The following RET variants were observed in gnomAD, a reference collection of about 807,000 sequenced individuals.
RET encodes the protein proto-oncogene tyrosine-protein kinase receptor Ret.
Under a neutral mutation model 118.3 loss-of-function variants are expected in RET, and 19 were observed. The observed-to-expected ratio is 0.16, with a 90% CI of 0.11 to 0.24. The LOEUF (loss-of-function observed/expected upper bound fraction) is 0.24, where lower values mean the gene tolerates loss of function less well. Among genes scored for constraint, RET ranks in the 10% least tolerant of loss-of-function variants. The probability of loss-of-function intolerance (pLI) is 1.00; values close to 1 mark genes in which losing one functional copy is unlikely to be tolerated. For missense variants in RET, 1,219 were observed against 1,502.1 expected (o/e 0.81, Z 3.12); for synonymous variants, 597 against 644.1 (o/e 0.93, Z 1.11).
chr10:43,088,730 A>G (rs1464415275), intron 1 of RET, among the ~76,000 whole-genome samples: 1 of 152,094 alleles, frequency 6.6e-6, no homozygotes, highest in African/African-American at 2.4e-5. Flanking sequence ...CCACTGCAAC[A>G]CACACTTTCT....
intron 1 of RET, among the ~76,000 whole-genome samples, chr10:43,095,095 G>A (rs1373601621): frequency 6.6e-6 from 1 of 152,186 alleles, no homozygotes; most frequent in African/African-American, 2.4e-5. Flanking sequence ...CCCCTTCCCA[G>A]CTGGGGTCAG....
At chr10:43,109,730 G>A (rs1402369445) in intron 6 of RET, among the ~76,000 whole-genome samples, 1 of 152,168 alleles carries the variant, frequency 6.6e-6, no homozygotes, top group East Asian at 1.9e-4. Context: ...GCTAGAAAGC[G>A]TATATTTATA....
intron 1 of RET, among the ~76,000 whole-genome samples, chr10:43,084,521 C>G (rs1837249606): frequency 6.6e-6 from 1 of 152,218 alleles, no homozygotes; most frequent in African/African-American, 2.4e-5. Flanking sequence ...GGAGAAGCAT[C>G]TCTTCGAGCC....
At chr10:43,122,442 G>A (rs1054961597) in intron 16 of RET, among the ~76,000 whole-genome samples, 3 of 152,212 alleles carry the variant, frequency 2.0e-5, no homozygotes, top group African/African-American at 7.2e-5. Flanking sequence ...GACTCCACCT[G>A]AAGATGGCCT....
In RET at chr10:43,128,199, A is replaced by G. The variant is rs757852794; in HGVS notation, c.3275A>G (p.Asn1092Ser). 3 of 1,614,184 alleles carry G rather than the reference A, an allele frequency of 1.9e-6. No homozygotes were observed. In the South Asian group the frequency reaches 3.3e-5, roughly 18 times the overall value. Residue 1092 changes from asparagine (N) to serine (S), a missense_variant, in exon 20 of 20, where the codon AAT (asparagine) becomes AGT (serine). Asn to Ser is a conservative substitution (Grantham distance 46). Coordinates refer to ENST00000355710, the MANE Select transcript of RET (RefSeq NM_020975.6). Reference protein sequence around the residue: ...GTNTGFPRYPNDSVYANWMLS... With the variant: ...GTNTGFPRYPSDSVYANWMLS... ...AACACTGGGTTTCCAAGATATCCAA[A>G]TGATAGTGTATATGCTAACTGGATG... is the stretch of plus-strand genomic sequence containing the variant.
chr10:43,107,559 T>TCACACACACACACACACA (rs59876947), intron 5 of RET, among the ~76,000 whole-genome samples: 2 of 140,732 alleles, frequency 1.4e-5, no homozygotes, highest in South Asian at 2.4e-4. Context: ...CCCCCATGCC[T>TCACACACACACACACACA]CACACACACA....
At chr10:43,110,094 C>T (rs1837882161) in intron 6 of RET, among the ~76,000 whole-genome samples, 1 of 152,160 alleles carries the variant, frequency 6.6e-6, no homozygotes, top group Admixed American at 6.5e-5. Flanking sequence ...AGCTCCCCGA[C>T]CACCTCCTTG....
At position 43,110,895 on chromosome 10, in the gene RET, G is replaced by C. The variant is rs981831764; in HGVS notation, c.1264-312G>C. Among the ~76,000 whole-genome samples, 78 of 152,206 alleles carry C rather than the reference G, an allele frequency of 5.1e-4. 1 individual carries two copies. Among genetic ancestry groups the C allele is most frequent in the African/African-American group, 1.8e-3 (76 of 41,450 alleles). ...GGAGGAAAGGGGAGTAAAGGGTTGA[G>C]TCAGGGCCTGCCTGGGGCTTTTCCT... is the stretch of plus-strand genomic sequence containing the variant. On this transcript the variant is annotated intron_variant, in intron 6 of 19. Coordinates refer to ENST00000355710, the MANE Select transcript of RET (RefSeq NM_020975.6).
chr10:43,097,838 AACTGCTGCTGCAGGCCCC>A (rs1000282002), intron 1 of RET, among the ~76,000 whole-genome samples: 1 of 151,586 alleles, frequency 6.6e-6, no homozygotes, highest in African/African-American at 2.4e-5. Flanking sequence ...GGGCGTTCTC[AACTGCTGCTGCAGGCCCC>A]GCCCTCCAGA....
chr10:43,090,899 C>T (rs956047002), intron 1 of RET, among the ~76,000 whole-genome samples: 3 of 150,560 alleles, frequency 2.0e-5, no homozygotes, highest in Non-Finnish European at 2.9e-5. Flanking sequence ...CCAGTCAGGG[C>T]GCTCTCGTGC....
chr10:43,119,769 C>A (rs779255047), intron 14 of RET, 24 bp downstream of exon 14: 1 of 1,608,316 alleles, frequency 6.2e-7, no homozygotes, highest in Non-Finnish European at 8.5e-7. Context: ...GCTCTGCACC[C>A]AGCCAGCCCC....
chr10:43,114,349 A>C lies in RET; in HGVS notation c.1880-131A>C, dbSNP rs1169835916. 7.8e-7 allele frequency: 1 copy of C among 1,276,312 alleles called. No homozygotes were observed. Among genetic ancestry groups the C allele is most frequent in the East Asian group, 2.5e-5 (1 of 40,118 alleles). The allele number at this position is 1,276,312 out of a possible 1,614,324, so 79.1% of individuals were successfully genotyped here. A position where few individuals can be genotyped will look rare whatever the true frequency, so the allele number is the denominator to read the frequency against. On this transcript the variant is annotated intron_variant, in intron 10 of 19. Coordinates refer to ENST00000355710, the MANE Select transcript of RET (RefSeq NM_020975.6). This position sits in a 1 kb window ranked among gnomAD's most constrained non-coding sequence, Gnocchi z 4.6. ...ATGGGGTGTTCTCAGGCCTTCCCAC[A>C]CCTCCATGGCCACTTCCCAGCTGGC...
rs1838399182 is a variant in RET at position 43,129,321 on chromosome 10, G to A, written c.*1052G>A. 2 of 233,574 alleles carry A rather than the reference G, an allele frequency of 8.6e-6. No homozygotes were observed. Among genetic ancestry groups the A allele is most frequent in the Admixed American group, 5.6e-5 (1 of 17,784 alleles). The allele number at this position is 233,574 out of a possible 1,614,324, so 14.5% of individuals were successfully genotyped here. A position where few individuals can be genotyped will look rare whatever the true frequency, so the allele number is the denominator to read the frequency against. On this transcript the variant is annotated 3_prime_UTR_variant, in exon 20 of 20. Coordinates refer to ENST00000355710, the MANE Select transcript of RET (RefSeq NM_020975.6). ...TAGAAGTAGCAATGACAATGACCAA[G>A]GACTGCTACACCTCTGATTACAATT...
chr10:43,128,275 CT>C lies in RET; in HGVS notation c.*9del, dbSNP rs767797283. On this transcript the variant is annotated 3_prime_UTR_variant, in exon 20 of 20. Transcript: ENST00000355710. ...TGGACACGTTTGATAGTTAACATTT[CT>C]TTGTGAAAGGTAATGGACTCACAAG... is the stretch of plus-strand genomic sequence containing the variant. 14 of 1,614,146 alleles carry C rather than the reference CT, an allele frequency of 8.7e-6. 1 individual carries two copies. The South Asian group carries it at 1.5e-4, about 18-fold the overall frequency.
chr10:43,094,511 A>C (rs1004741717), intron 1 of RET, among the ~76,000 whole-genome samples: 6 of 152,136 alleles, frequency 3.9e-5, no homozygotes, highest in Non-Finnish European at 7.4e-5. Flanking sequence ...ATCCTAGGGA[A>C]GTTTTTCATG....
intron 2 of RET, among the ~76,000 whole-genome samples, chr10:43,102,017 G>C (rs1456441206): frequency 2.0e-5 from 3 of 151,210 alleles, no homozygotes; most frequent in South Asian, 2.1e-4. Flanking sequence ...GGCAGGGGGG[G>C]TGCTGGTCAC....
chr10:43,103,158 G>C (rs1285186410), intron 3 of RET, among the ~76,000 whole-genome samples: 1 of 152,190 alleles, frequency 6.6e-6, no homozygotes, highest in East Asian at 1.9e-4. Context: ...ATAGTTCCTG[G>C]GGCAGGGGGC....
At position 43,128,699 on chromosome 10, in the gene RET, A is replaced by C. The variant is rs1290471000; in HGVS notation, c.*430A>C. 2.6e-6 allele frequency: 1 copy of C among 387,294 alleles called. No individual in the cohort carries two copies. Among genetic ancestry groups the C allele is most frequent in the Non-Finnish European group, 4.8e-6 (1 of 207,252 alleles). 24.0% of individuals were successfully genotyped at this position (387,294 alleles called of 1,614,324 possible). A position where few individuals can be genotyped will look rare whatever the true frequency, so the allele number is the denominator to read the frequency against. On this transcript the variant is annotated 3_prime_UTR_variant, in exon 20 of 20. Coordinates refer to ENST00000355710, the MANE Select transcript of RET (RefSeq NM_020975.6). Reference sequence around the variant, plus strand: ...AATTTAAACATGAAGCACACACACAAAAAAGGCAGTAGGAAAAATGCTGGC... The same window carrying C: ...AATTTAAACATGAAGCACACACACACAAAAGGCAGTAGGAAAAATGCTGGC...
At chr10:43,077,798 G>T (rs1837083032) in intron 1 of RET, among the ~76,000 whole-genome samples, 1 of 152,256 alleles carries the variant, frequency 6.6e-6, no homozygotes, top group Admixed American at 6.5e-5. Context: ...GCGTCCGTGC[G>T]TTCCTCCCCC....
Sources: allele counts gnomAD v4.1 joint callset (sites outside exome capture counted in the v4.1 genomes callset), GRCh38; gene constraint gnomAD v4.1.1; non-coding constraint Gnocchi (gnomAD v3.1); transcripts MANE v1.5; gene names NCBI Gene and HGNC (gene_info 2026-07-23, HGNC 2026-07-21).